The following CDH4 variants were observed in gnomAD, a reference collection of about 807,000 sequenced individuals.
The protein encoded by CDH4 is cadherin 4.
In CDH4, 33 loss-of-function variants were observed where a neutral mutation model predicts 86.0. The ratio of observed to expected loss-of-function variants is 0.38; its 90% CI spans 0.29 to 0.51. The LOEUF (loss-of-function observed/expected upper bound fraction) is 0.51. CDH4 is among the 20% of genes least tolerant of loss of function. CDH4 has a pLI of 0.86. For synonymous variants in CDH4, 555 were observed against 549.4 expected (o/e 1.01, Z -0.14); for missense variants, 1,114 against 1,307.4 (o/e 0.85, Z 2.28).
At chr20:61,726,866 C>A (rs2088119519) in intron 2 of CDH4, among the ~76,000 whole-genome samples, 1 of 142,624 alleles carries the variant, frequency 7.0e-6, no homozygotes, top group Admixed American at 6.9e-5. Context: ...ATCATCATCA[C>A]CATCGGAGGC....
At chr20:61,723,420 T>C (rs536845917) in intron 2 of CDH4, among the ~76,000 whole-genome samples, 1 of 152,346 alleles carries the variant, frequency 6.6e-6, no homozygotes, top group South Asian at 2.1e-4. Flanking sequence ...GTTCTGGCTC[T>C]GTCGTTTTCC....
chr20:61,464,993 A>C (rs2085464769), intron 2 of CDH4, among the ~76,000 whole-genome samples: 1 of 152,248 alleles, frequency 6.6e-6, no homozygotes, highest in Admixed American at 6.5e-5. Flanking sequence ...TGGATCTTTT[A>C]TTAAGTAGGC....
intron 2 of CDH4, among the ~76,000 whole-genome samples, chr20:61,348,269 C>A (rs2084690877): frequency 1.3e-5 from 2 of 152,144 alleles, no homozygotes; most frequent in African/African-American, 4.8e-5. Flanking sequence ...GGCAAAAGAG[C>A]ATGTGCAGGG....
At chr20:61,659,741 C>T (rs2087232604) in intron 2 of CDH4, among the ~76,000 whole-genome samples, 3 of 152,090 alleles carry the variant, frequency 2.0e-5, no homozygotes, top group East Asian at 1.9e-4. Flanking sequence ...GGAGGGTGGG[C>T]CTCAGCCATC....
At chr20:61,492,151 C>CTGATGTTGTTGGTGTCGATATTGT (rs2085630389) in intron 2 of CDH4, among the ~76,000 whole-genome samples, 3 of 135,420 alleles carry the variant, frequency 2.2e-5, no homozygotes, top group African/African-American at 8.3e-5. Context: ...GTCGATATTG[C>CTGATGTTGTTGGTGTCGATATTGT]TGATGTTGTT....
At chr20:61,803,217 T>C (rs1979931057) in intron 4 of CDH4, among the ~76,000 whole-genome samples, 1 of 151,888 alleles carries the variant, frequency 6.6e-6, no homozygotes, top group African/African-American at 2.4e-5. Flanking sequence ...CTGGATGCTC[T>C]CAGAGTGGCA....
chr20:61,528,659 A>G (rs1302042478), intron 2 of CDH4, among the ~76,000 whole-genome samples: 1 of 152,082 alleles, frequency 6.6e-6, no homozygotes, highest in African/African-American at 2.4e-5. Flanking sequence ...AGGAAATGCA[A>G]AGTCCCCAGA....
At chr20:61,397,624 A>G (rs188380270) in intron 2 of CDH4, among the ~76,000 whole-genome samples, 44 of 152,264 alleles carry the variant, frequency 2.9e-4, no homozygotes, top group African/African-American at 9.9e-4. Flanking sequence ...GCATAATCAC[A>G]TTGCATTGTA....
At position 61,684,674 on chromosome 20, in the gene CDH4, T is replaced by TA. The variant is rs2087554624; in HGVS notation, c.170-58888dup. On this transcript the variant is annotated intron_variant, in intron 2 of 15. Transcript: ENST00000614565. The surrounding 1 kb of genome is among the most constrained non-coding windows in gnomAD (Gnocchi z 4.5). ...GTAGTTTCATTTTATCTCAAAGTCT[T>TA]ACAAACCATCTTAGCGTTTTTGTGC... is the stretch of plus-strand genomic sequence containing the variant. Among the ~76,000 whole-genome samples, 1 of 152,084 alleles carries TA rather than the reference T, an allele frequency of 6.6e-6. No individual in the cohort carries two copies. Among genetic ancestry groups the TA allele is most frequent in the Non-Finnish European group, 1.5e-5 (1 of 68,024 alleles).
intron 2 of CDH4, among the ~76,000 whole-genome samples, chr20:61,485,240 A>G (rs908120399): frequency 5.9e-5 from 9 of 152,188 alleles, no homozygotes; most frequent in African/African-American, 2.2e-4. Context: ...ACTTTCTAAT[A>G]TAATTATAGG....
intron 2 of CDH4, among the ~76,000 whole-genome samples, chr20:61,388,139 G>A (rs901282508): frequency 3.9e-5 from 6 of 152,208 alleles, no homozygotes; most frequent in Non-Finnish European, 5.9e-5. Flanking sequence ...GGGTGGAGAC[G>A]GCAGGGCTGG....
At chr20:61,447,050 G>A (rs2085354440) in intron 2 of CDH4, among the ~76,000 whole-genome samples, 1 of 152,068 alleles carries the variant, frequency 6.6e-6, no homozygotes, top group Admixed American at 6.6e-5. Context: ...ATGATTTGGA[G>A]GAATTCTTTG....
At chr20:61,297,247 A>G (rs1442608780) in intron 2 of CDH4, among the ~76,000 whole-genome samples, 1 of 152,092 alleles carries the variant, frequency 6.6e-6, no homozygotes, top group Non-Finnish European at 1.5e-5. Flanking sequence ...TTGGCCACGC[A>G]CGGTGGCATG....
chr20:61,858,275 GTGTGTC>G (rs1437129026), intron 6 of CDH4, among the ~76,000 whole-genome samples: 8 of 149,744 alleles, frequency 5.3e-5, no homozygotes, highest in South Asian at 2.1e-4. Flanking sequence ...CTGTGTCTAT[GTGTGTC>G]TGTGTCTGTG....
chr20:61,618,841 G>A (rs1482124115), intron 2 of CDH4, among the ~76,000 whole-genome samples: 1 of 152,194 alleles, frequency 6.6e-6, no homozygotes, highest in African/African-American at 2.4e-5. Context: ...AGAGACCAGG[G>A]GCCAACGGGG....
chr20:61,884,645 A>G (rs1052477134), intron 7 of CDH4, among the ~76,000 whole-genome samples: 26 of 151,842 alleles, frequency 1.7e-4, no homozygotes, highest in African/African-American at 4.8e-5. Flanking sequence ...AGCCCTCCGC[A>G]CCCCCGGACC....
Position 61,709,956 on chromosome 20 carries a change from G to A in CDH4, c.170-33607G>A, listed in dbSNP as rs1189848903. Among the ~76,000 whole-genome samples, 1 of 152,172 alleles carries A rather than the reference G, an allele frequency of 6.6e-6. No individual in the cohort carries two copies. Among genetic ancestry groups the A allele is most frequent in the East Asian group, 1.9e-4 (1 of 5,194 alleles). Reference sequence around the variant, plus strand: ...TTAGCGGGATCGGGCAAGACCATCTGTGTGTTGTAGGGAAAAGTTTGCCAC... The same window carrying A: ...TTAGCGGGATCGGGCAAGACCATCTATGTGTTGTAGGGAAAAGTTTGCCAC... On this transcript the variant is annotated intron_variant, in intron 2 of 15. Transcript: ENST00000614565. This position sits in a 1 kb window ranked among gnomAD's most constrained non-coding sequence, Gnocchi z 4.8.
chr20:61,685,727 G>A (rs921892754), intron 2 of CDH4, among the ~76,000 whole-genome samples: 7 of 152,218 alleles, frequency 4.6e-5, no homozygotes, highest in East Asian at 1.9e-4. Flanking sequence ...CAGAGCATCC[G>A]AGGCACCTGC....
At chr20:61,864,035 T>C (rs1474334635) in intron 6 of CDH4, among the ~76,000 whole-genome samples, 1 of 152,252 alleles carries the variant, frequency 6.6e-6, no homozygotes, top group Non-Finnish European at 1.5e-5. Context: ...TTGCAGACAT[T>C]TTGTTAAGAT....
Sources: gnomAD v4.1 joint callset for allele counts (sites outside exome capture counted in the v4.1 genomes callset) on GRCh38, gnomAD v4.1.1 for gene constraint, Gnocchi (gnomAD v3.1) non-coding constraint, MANE v1.5 for transcripts, NCBI Gene and HGNC (gene_info 2026-07-23, HGNC 2026-07-21) for gene names.